Variants in FRMD4B observed in about 807,000 individuals in gnomAD.
The protein encoded by FRMD4B is FERM domain-containing protein 4B.
A neutral mutation model predicts 141.5 loss-of-function variants in FRMD4B; 74 were observed. That is an observed-to-expected ratio of 0.52 (90% confidence interval 0.43 to 0.63). The LOEUF is 0.63. Among genes scored for constraint, FRMD4B ranks in the 30% least tolerant of loss-of-function variants. The pLI is 0.00. For missense variants in FRMD4B, 1,366 were observed against 1,253.4 expected (o/e 1.09, Z -1.36); for synonymous variants, 506 against 467.9 (o/e 1.08, Z -1.05).
At chr3:69,215,237 G>A (rs896005504) in intron 11 of FRMD4B, among the ~76,000 whole-genome samples, 1 of 130,260 alleles carries the variant, frequency 7.7e-6, no homozygotes, top group African/African-American at 2.8e-5. Flanking sequence ...GGACATTAAT[G>A]TTAGTTATTT....
At chr3:69,478,119 C>G (rs148148363) in intron 1 of FRMD4B, among the ~76,000 whole-genome samples, 2,605 of 152,194 alleles carry the variant, frequency 0.017, 35 homozygotes, top group East Asian at 0.07. Context: ...GTCTTGCTAG[C>G]AGTCTATCAA....
At chr3:69,442,157 T>G (rs180683265) in intron 1 of FRMD4B, among the ~76,000 whole-genome samples, 170 of 151,958 alleles carry the variant, frequency 1.1e-3, no homozygotes, top group African/African-American at 3.9e-3. Flanking sequence ...CAATCATAGC[T>G]TGCAGCCTTG....
At chr3:69,315,156 T>C (rs1701762508) in intron 1 of FRMD4B, among the ~76,000 whole-genome samples, 1 of 152,212 alleles carries the variant, frequency 6.6e-6, no homozygotes, top group Non-Finnish European at 1.5e-5. Flanking sequence ...TAAGAACAGT[T>C]TGATACATAC....
intron 17 of FRMD4B, among the ~76,000 whole-genome samples, chr3:69,193,430 C>T (rs113280333): frequency 0.014 from 2,140 of 152,268 alleles, 38 homozygotes; most frequent in Non-Finnish European, 0.016. Context: ...ATCACTTGAA[C>T]CCATGAGGTG....
chr3:69,452,238 C>G (rs1447226511), intron 1 of FRMD4B, among the ~76,000 whole-genome samples: 3 of 152,206 alleles, frequency 2.0e-5, no homozygotes, highest in Non-Finnish European at 2.9e-5. Context: ...ACTGGGAAAG[C>G]TGGACTATTA....
rs776636133 is a variant in FRMD4B, at chr3:69,196,987, T to C, written c.1005A>G (p.Thr335=). Residue 335 remains threonine (T), a synonymous_variant, in exon 13 of 23, where the codon ACA becomes ACG. Coordinates refer to ENST00000398540, the MANE Select transcript of FRMD4B (RefSeq NM_015123.3). ...TGATGAGAGAAGAGTTAGCATACCA[T>C]GTTTGCACAAACAAGCCACTTTGCC... is the stretch of plus-strand genomic sequence containing the variant. ...TFGQSGLFVQ[T]WYANSSLIKS... is the part of the protein sequence containing the mutation. 36 of 1,605,474 alleles carry C rather than the reference T, an allele frequency of 2.2e-5. No individual in the cohort carries two copies. The highest frequency in any genetic ancestry group is 1.6e-4 in the Middle Eastern group (1 of 6,078).
intron 2 of FRMD4B, among the ~76,000 whole-genome samples, chr3:69,430,566 T>C (rs781229961): frequency 2.0e-5 from 3 of 152,182 alleles, no homozygotes; most frequent in Non-Finnish European, 2.9e-5. Context: ...TATATGGCAA[T>C]TGCTGGACCA....
chr3:69,439,322 C>G (rs1251919465), intron 1 of FRMD4B, among the ~76,000 whole-genome samples: 1 of 152,146 alleles, frequency 6.6e-6, no homozygotes, highest in East Asian at 1.9e-4. Context: ...TCATGATTCT[C>G]CTTCTGTACA....
chr3:69,352,814 G>C (rs951263095), intron 1 of FRMD4B, among the ~76,000 whole-genome samples: 2 of 152,162 alleles, frequency 1.3e-5, no homozygotes, highest in Non-Finnish European at 2.9e-5. Context: ...CCACAAACTA[G>C]ACTGGAGGAC....
chr3:69,281,851 A>T (rs1011227878), intron 5 of FRMD4B, among the ~76,000 whole-genome samples: 10 of 148,862 alleles, frequency 6.7e-5, no homozygotes, highest in Admixed American at 3.4e-4. Context: ...ATATATATAT[A>T]TTTTTGCTTA....
chr3:69,392,816 CA>C (rs1224130154), intron 2 of FRMD4B, among the ~76,000 whole-genome samples: 1 of 152,024 alleles, frequency 6.6e-6, no homozygotes, highest in Non-Finnish European at 1.5e-5. Context: ...CATCCCATTC[CA>C]AAAAGGAGGC....
chr3:69,360,570 ATC>A (rs1170110358), intron 1 of FRMD4B, among the ~76,000 whole-genome samples: 8 of 151,904 alleles, frequency 5.3e-5, no homozygotes, highest in African/African-American at 1.9e-4. Flanking sequence ...TGTTCCATCC[ATC>A]TCTCTCTTTT....
chr3:69,282,384 T>G (rs552841272), intron 5 of FRMD4B, among the ~76,000 whole-genome samples: 13 of 152,176 alleles, frequency 8.5e-5, no homozygotes, highest in African/African-American at 2.9e-4. Context: ...TAGCTGTGAG[T>G]CCTGAGTTAA....
intron 1 of FRMD4B, among the ~76,000 whole-genome samples, chr3:69,352,657 GA>G (rs1211521590): frequency 1.3e-5 from 2 of 151,778 alleles, no homozygotes; most frequent in Non-Finnish European, 2.9e-5. Flanking sequence ...AGGCAGCAAA[GA>G]AAAAAAACCT....
In FRMD4B at chr3:69,171,046, T is replaced by C. The variant is rs549723076; in HGVS notation, c.*815A>G. 2 of 152,290 alleles carry C rather than the reference T, an allele frequency of 1.3e-5. No individual in the cohort carries two copies. Among genetic ancestry groups the C allele is most frequent in the East Asian group, 3.9e-4 (2 of 5,186 alleles). 9.4% of individuals were successfully genotyped at this position (152,290 alleles called of 1,614,324 possible). Reference sequence around the variant, plus strand: ...CTGCCACTTCAAATGACAGCCGAGTTGGAGAATTAACAGCCAGAACAATAG... The same window carrying C: ...CTGCCACTTCAAATGACAGCCGAGTCGGAGAATTAACAGCCAGAACAATAG... On this transcript the variant is annotated 3_prime_UTR_variant, in exon 23 of 23. Transcript: ENST00000398540.
intron 1 of FRMD4B, among the ~76,000 whole-genome samples, chr3:69,506,442 A>T (rs923203425): frequency 6.6e-6 from 1 of 152,200 alleles, no homozygotes; most frequent in Non-Finnish European, 1.5e-5. Context: ...AGTGTAAAAA[A>T]AAAAAAATCT....
At chr3:69,202,479 T>C in intron 11 of FRMD4B, among the ~76,000 whole-genome samples, 1 of 127,018 alleles carries the variant, frequency 7.9e-6, no homozygotes, top group South Asian at 2.5e-4. Context: ...ATTAGAGACT[T>C]AAAAAAAAAA....
chr3:69,465,820 T>C (rs1169747598), intron 1 of FRMD4B, among the ~76,000 whole-genome samples: 6 of 152,228 alleles, frequency 3.9e-5, no homozygotes. Flanking sequence ...GTTCCAAGTC[T>C]TTGCTATTGT....
chr3:69,471,441 A>AT (rs1398156258), intron 1 of FRMD4B: 1 of 254,834 alleles, frequency 3.9e-6, no homozygotes, highest in Non-Finnish European at 7.9e-6. Context: ...TATTGCTGAG[A>AT]TTTTATTAAC....
Sources: gnomAD v4.1 joint callset for allele counts (sites outside exome capture counted in the v4.1 genomes callset) on GRCh38, gnomAD v4.1.1 for gene constraint, MANE v1.5 for transcripts, NCBI Gene and HGNC (gene_info 2026-07-23, HGNC 2026-07-21) for gene names.